The following CFAP92 variants were observed in gnomAD, a reference collection of about 807,000 sequenced individuals.
The protein encoded by CFAP92 is uncharacterized protein CFAP92.
CFAP92 carries 86 observed loss-of-function variants against 106.3 expected under a neutral mutation model. The observed-to-expected ratio is 0.81, with a 90% CI of 0.68 to 0.97. The LOEUF (loss-of-function observed/expected upper bound fraction) is 0.97, where lower values mean the gene tolerates loss of function less well. Ranked by LOEUF, CFAP92 falls within the 50% of genes least tolerant of loss-of-function variation. The pLI is 0.00. For synonymous variants in CFAP92, 477 were observed against 506.4 expected, an observed-to-expected ratio of 0.94 and a Z score of 0.78; for missense variants, 1,204 against 1,283.8, an observed-to-expected ratio of 0.94 and a Z score of 0.95.
chr3:128,926,432 T>G (rs1261353481), intron 12 of CFAP92, among the ~76,000 whole-genome samples: 2 of 152,180 alleles, frequency 1.3e-5, no homozygotes, highest in Non-Finnish European at 2.9e-5. Context: ...GGAGAACTGC[T>G]TGAACCCAGG....
intron 4 of CFAP92, among the ~76,000 whole-genome samples, chr3:128,983,324 C>G (rs1028154835): frequency 6.6e-6 from 1 of 152,160 alleles, no homozygotes; most frequent in Non-Finnish European, 1.5e-5. Flanking sequence ...GAGCATTGAG[C>G]CTGTGACATG....
chr3:129,013,209 A>G, the CFAP92 span, among the ~76,000 whole-genome samples: 4 of 152,232 alleles, frequency 2.6e-5, no homozygotes, highest in African/African-American at 7.2e-5. Context: ...TTTTGACGGT[A>G]CAGCCTTGGA....
chr3:128,978,413 G>A (rs1047160052), intron 4 of CFAP92: 8 of 379,088 alleles, frequency 2.1e-5, no homozygotes, highest in African/African-American at 1.7e-4. Context: ...AAAAAAAAAT[G>A]TACATACCTA....
Position 128,915,170 on chromosome 3 carries a change from G to T in CFAP92, c.3229C>A (p.Pro1077Thr), listed in dbSNP as rs757675050. The stretch of plus-strand genomic sequence containing the variant: ...GGGAGCAGCTCGAGGAAAGGTGGTG[G>T]TTTCTTGTACAGATCAAAGTCCACG... ...HHVDFDLYKKPPPFLELLPSP... is the reference protein window; with the variant it reads ...HHVDFDLYKKTPPFLELLPSP... Residue 1077 changes from proline (P) to threonine (T), a missense_variant, in exon 15 of 16, where the codon CCA (proline) becomes ACA (threonine). By Grantham distance (38) the Pro-to-Thr change is conservative. Transcript: ENST00000645291. 2 of 1,536,144 alleles carry T rather than the reference G, an allele frequency of 1.3e-6. No homozygotes were observed. Among genetic ancestry groups the T allele is most frequent in the South Asian group, 2.4e-5 (2 of 84,064 alleles).
At chr3:128,924,490 G>A (rs1405966477) in intron 12 of CFAP92, among the ~76,000 whole-genome samples, 4 of 133,684 alleles carry the variant, frequency 3.0e-5, no homozygotes, top group Admixed American at 1.7e-4. Flanking sequence ...TGTTGCCCAG[G>A]CTGGAGTGCA....
rs1327292570 is a variant in CFAP92 at position 128,932,923 on chromosome 3, A to G, written c.2528T>C (p.Met843Thr). 4 of 1,536,166 alleles carry G rather than the reference A, an allele frequency of 2.6e-6. No individual in the cohort carries two copies. The highest frequency in any genetic ancestry group is 2.4e-5 in the East Asian group (1 of 40,920). ...AAACTCTTGGCTCAAGTCTTTTATC[A>G]TAGCAGAGGAGGGCAGCAGGTCCCT... ...TVRDLLPSSA[M>T]IKDLSQEFGM... Residue 843 changes from methionine (M) to threonine (T), a missense_variant, in exon 12 of 16, where the codon ATG (methionine) becomes ACG (threonine). Met to Thr is a moderately conservative substitution (Grantham distance 81). Transcript: ENST00000645291.
intron 4 of CFAP92, among the ~76,000 whole-genome samples, chr3:128,981,099 C>T (rs1220764314): frequency 3.3e-5 from 5 of 149,984 alleles, no homozygotes; most frequent in African/African-American, 7.4e-5. Flanking sequence ...TGCAGTGGTG[C>T]GATCTCGGCT....
intron 15 of CFAP92, chr3:128,912,410 G>A: frequency 1.9e-6 from 2 of 1,048,802 alleles, no homozygotes; most frequent in South Asian, 1.3e-5. Context: ...CTTCATGGTG[G>A]GTGGGCTGAC....
intron 12 of CFAP92, among the ~76,000 whole-genome samples, chr3:128,922,468 C>G (rs1306556691): frequency 1.3e-5 from 2 of 152,108 alleles, no homozygotes; most frequent in Non-Finnish European, 2.9e-5. Flanking sequence ...GTGAAAAGAA[C>G]AGGAGGCTTT....
At chr3:128,927,842 C>T (rs1375371983) in intron 12 of CFAP92, among the ~76,000 whole-genome samples, 1 of 152,114 alleles carries the variant, frequency 6.6e-6, no homozygotes, top group African/African-American at 2.4e-5. Flanking sequence ...CTAAGAACTA[C>T]AGAAATCTCT....
At chr3:129,011,377 C>T in the CFAP92 span, among the ~76,000 whole-genome samples, 1 of 152,026 alleles carries the variant, frequency 6.6e-6, no homozygotes, top group African/African-American at 2.4e-5. Flanking sequence ...ATGGTGAAAC[C>T]CCGTCTCTAC....
chr3:129,013,807 C>T, the CFAP92 span, among the ~76,000 whole-genome samples: 4 of 152,218 alleles, frequency 2.6e-5, no homozygotes, highest in Non-Finnish European at 5.9e-5. Context: ...GGAGTCTGTT[C>T]TCCAAAGAAC....
At chr3:129,003,390 G>A, upstream of CFAP92, 1 of 657,156 alleles carries the variant, frequency 1.5e-6, no homozygotes, top group Non-Finnish European at 1.9e-6. Context: ...TAGTGAGCAG[G>A]CACGGGGAGG....
intron 3 of CFAP92, among the ~76,000 whole-genome samples, chr3:128,988,177 A>C (rs1042653625): frequency 6.6e-6 from 1 of 152,242 alleles, no homozygotes; most frequent in Admixed American, 6.5e-5. Context: ...ATGCACACAC[A>C]CAGAAAAAAG....
intron 2 of CFAP92, among the ~76,000 whole-genome samples, chr3:128,990,172 T>C (rs968419682): frequency 1.3e-5 from 2 of 152,234 alleles, no homozygotes; most frequent in African/African-American, 4.8e-5. Flanking sequence ...TGTTAATATA[T>C]AGGTGTTTAA....
At chr3:128,994,222 G>A (rs1944395336), upstream of CFAP92, 6 of 846,352 alleles carry the variant, frequency 7.1e-6, no homozygotes, top group Non-Finnish European at 8.5e-6. Flanking sequence ...CGCGCAGTTT[G>A]TCAAATGGCT....
At chr3:128,982,818 C>T (rs751926768) in intron 4 of CFAP92, among the ~76,000 whole-genome samples, 5 of 152,182 alleles carry the variant, frequency 3.3e-5, no homozygotes, top group Non-Finnish European at 7.3e-5. Flanking sequence ...ATCACTGGAA[C>T]CCTGTGTTCT....
At chr3:129,021,049 G>T in the CFAP92 span, among the ~76,000 whole-genome samples, 7 of 152,300 alleles carry the variant, frequency 4.6e-5, no homozygotes, top group Non-Finnish European at 2.9e-5. Flanking sequence ...GAAATTCGTG[G>T]GGAGGAGGGT....
At chr3:128,917,795 C>T (rs189263099) in intron 12 of CFAP92, among the ~76,000 whole-genome samples, 4 of 152,232 alleles carry the variant, frequency 2.6e-5, no homozygotes, top group Non-Finnish European at 2.9e-5. Context: ...GATATGCTTT[C>T]AGAAAGCAGT....
Sources: allele counts gnomAD v4.1 joint callset (sites outside exome capture counted in the v4.1 genomes callset), GRCh38; gene constraint gnomAD v4.1.1; transcripts MANE v1.5; gene names NCBI Gene and HGNC (gene_info 2026-07-23, HGNC 2026-07-21).